Variants in SGIP1 observed in about 807,000 individuals in gnomAD.
SGIP1 encodes the protein SH3-containing GRB2-like protein 3-interacting protein 1.
SGIP1 carries 38 observed loss-of-function variants against 107.5 expected under a neutral mutation model. The ratio of observed to expected loss-of-function variants is 0.35; its 90% CI spans 0.27 to 0.46. The LOEUF (loss-of-function observed/expected upper bound fraction) is 0.46. Among genes scored for constraint, SGIP1 ranks in the 20% least tolerant of loss-of-function variants. The pLI, the probability that SGIP1 is intolerant of heterozygous loss-of-function variation, is 1.00. For missense variants in SGIP1, 929 were observed against 1,019.5 expected, an observed-to-expected ratio of 0.91 and a Z score of 1.21; for synonymous variants, 365 against 366.1, an observed-to-expected ratio of 1.00 and a Z score of 0.03.
chr1:66,687,298 CAA>C (rs550250808), intron 15 of SGIP1, among the ~76,000 whole-genome samples: 31 of 137,590 alleles, frequency 2.3e-4, no homozygotes, highest in Non-Finnish European at 2.2e-4. Context: ...CCATCAACAC[CAA>C]AAAAAAAAAA....
intron 1 of SGIP1, among the ~76,000 whole-genome samples, chr1:66,592,492 C>T (rs1338031008): frequency 6.6e-6 from 1 of 152,202 alleles, no homozygotes; most frequent in Non-Finnish European, 1.5e-5. Context: ...AATGGAGTTT[C>T]TTATGTCTAC....
At chr1:66,604,149 A>G (rs1335959132) in intron 1 of SGIP1, among the ~76,000 whole-genome samples, 1 of 152,176 alleles carries the variant, frequency 6.6e-6, no homozygotes, top group Non-Finnish European at 1.5e-5. Context: ...AAGATATGCT[A>G]AATATGATGA....
intron 1 of SGIP1, among the ~76,000 whole-genome samples, chr1:66,566,953 C>T (rs1267952700): frequency 1.3e-5 from 2 of 152,002 alleles, no homozygotes; most frequent in African/African-American, 4.8e-5. Flanking sequence ...TGAGTGTGAA[C>T]ATGCAGTGTT....
intron 1 of SGIP1, among the ~76,000 whole-genome samples, chr1:66,609,164 C>T (rs371932526): frequency 8.5e-5 from 13 of 152,200 alleles, no homozygotes; most frequent in African/African-American, 1.9e-4. Context: ...TGAGATAAAA[C>T]GAATGCCTTC....
intron 1 of SGIP1, among the ~76,000 whole-genome samples, chr1:66,560,476 T>C (rs2058764005): frequency 1.3e-5 from 2 of 152,062 alleles, no homozygotes; most frequent in Non-Finnish European, 2.9e-5. Context: ...TTTCCTCTGT[T>C]TAGACACTAG....
intron 18 of SGIP1, among the ~76,000 whole-genome samples, chr1:66,698,464 C>T (rs933159679): frequency 1.3e-5 from 2 of 151,408 alleles, no homozygotes; most frequent in East Asian, 2.0e-4. Flanking sequence ...CTGCAAGCTC[C>T]GCCTCCCGAG....
Position 66,749,887 on chromosome 1 carries a change from T to G in SGIP1, c.*6792T>G, listed in dbSNP as rs906995123. Among the ~76,000 whole-genome samples, 7 of 152,152 alleles carry G rather than the reference T, an allele frequency of 4.6e-5. No individual in the cohort carries two copies. The highest frequency in any genetic ancestry group is 1.4e-4 in the African/African-American group (6 of 41,456). ...GTCAGATTTTTTTCCCTTTTCAAGT[T>G]GCTAGAATGATAATTCATATAGCTG... is the stretch of plus-strand genomic sequence containing the variant. On this transcript the variant is annotated 3_prime_UTR_variant, in exon 25 of 25. Transcript: ENST00000371037.
chr1:66,626,410 G>T (rs1570812508), intron 2 of SGIP1, among the ~76,000 whole-genome samples: 1 of 151,870 alleles, frequency 6.6e-6, no homozygotes, highest in East Asian at 1.9e-4. Flanking sequence ...CAGAATTCAG[G>T]AATTATTGGA....
chr1:66,741,715 C>T (rs1351946769), intron 24 of SGIP1, among the ~76,000 whole-genome samples: 2 of 151,932 alleles, frequency 1.3e-5, no homozygotes, highest in Non-Finnish European at 2.9e-5. Context: ...GGAGTAAATC[C>T]TACTTTTATT....
intron 8 of SGIP1, among the ~76,000 whole-genome samples, chr1:66,661,372 C>T (rs2081433349): frequency 6.6e-6 from 1 of 152,160 alleles, no homozygotes; most frequent in Non-Finnish European, 1.5e-5. Flanking sequence ...GTGCTTTCAC[C>T]TCTTATGCTT....
chr1:66,582,467 A>C (rs2061964485), intron 1 of SGIP1, among the ~76,000 whole-genome samples: 1 of 151,892 alleles, frequency 6.6e-6, no homozygotes, highest in African/African-American at 2.4e-5. Context: ...ATCTGAGGAA[A>C]GCCATTTTGA....
chr1:66,676,605 T>C (rs1033537448), intron 12 of SGIP1, among the ~76,000 whole-genome samples: 2 of 152,202 alleles, frequency 1.3e-5, no homozygotes, highest in Non-Finnish European at 2.9e-5. Flanking sequence ...AGCATATTTA[T>C]AGGAGGCTTT....
intron 18 of SGIP1, among the ~76,000 whole-genome samples, chr1:66,711,276 T>C (rs1324163858): frequency 2.0e-5 from 3 of 152,130 alleles, no homozygotes; most frequent in Non-Finnish European, 4.4e-5. Context: ...ACATCCTATA[T>C]CATCATATTT....
intron 1 of SGIP1, among the ~76,000 whole-genome samples, chr1:66,559,113 G>A (rs2058583518): frequency 6.6e-6 from 1 of 152,096 alleles, no homozygotes; most frequent in South Asian, 2.1e-4. Context: ...CAGGGCTCAA[G>A]CATCCTTGGG....
At chr1:66,583,308 A>G (rs987346908) in intron 1 of SGIP1, among the ~76,000 whole-genome samples, 6 of 152,074 alleles carry the variant, frequency 3.9e-5, no homozygotes, top group African/African-American at 1.4e-4. Context: ...AGTCTATGTA[A>G]TGTTTGCACT....
chr1:66,580,467 C>A (rs1363265417), intron 1 of SGIP1, among the ~76,000 whole-genome samples: 1 of 152,150 alleles, frequency 6.6e-6, no homozygotes, highest in East Asian at 1.9e-4. Context: ...ATCACTACCT[C>A]AAAACTCCCT....
intron 1 of SGIP1, among the ~76,000 whole-genome samples, chr1:66,606,851 G>C (rs955774321): frequency 6.6e-6 from 1 of 152,214 alleles, no homozygotes; most frequent in Non-Finnish European, 1.5e-5. Flanking sequence ...TCCCAGGAAT[G>C]TTATACACGG....
In SGIP1 at chr1:66,534,355, C is replaced by T; in HGVS notation, c.-4C>T. 6.2e-7 allele frequency: 1 copy of T among 1,614,098 alleles called. No individual in the cohort carries two copies. On this transcript the variant is annotated 5_prime_UTR_variant, in exon 1 of 25. Coordinates refer to ENST00000371037, the MANE Select transcript of SGIP1 (RefSeq NM_032291.4). ...TGGAAATTAAGGAATGCAATTCTGC[C>T]ACCATGATGGAAGGTAGGATGCTTT...
At position 66,745,102 on chromosome 1, in the gene SGIP1, T is replaced by C. The variant is rs976921396; in HGVS notation, c.*2007T>C. ...TAAATATTACTGGTTCTCATGTCTT[T>C]GTATTTATATTTTATTTTGTTTTAT... On this transcript the variant is annotated 3_prime_UTR_variant, in exon 25 of 25. Coordinates refer to ENST00000371037, the MANE Select transcript of SGIP1 (RefSeq NM_032291.4). The C allele has an allele frequency of 1.3e-5, 2 of 152,282 alleles. No individual in the cohort carries two copies. The highest frequency in any genetic ancestry group is 2.4e-5 in the African/African-American group (1 of 41,448). 9.4% of individuals were successfully genotyped at this position (152,282 alleles called of 1,614,324 possible). A position where few individuals can be genotyped will look rare whatever the true frequency, so the allele number is the denominator to read the frequency against.
Sources: gnomAD v4.1 joint callset for allele counts (sites outside exome capture counted in the v4.1 genomes callset) on GRCh38, gnomAD v4.1.1 for gene constraint, MANE v1.5 for transcripts, NCBI Gene and HGNC (gene_info 2026-07-23, HGNC 2026-07-21) for gene names.